SCAND3: variants seen among roughly 807,000 people sequenced by gnomAD.
SCAND3 encodes SCAN domain containing 3.
chr6:28,598,111 G>T, the SCAND3 span: 2 of 152,304 alleles, frequency 1.3e-5, no homozygotes, highest in East Asian at 3.9e-4. Context: ...TTACAGGGTC[G>T]GGTGGGGCAA....
At chr6:28,610,023 G>A in the SCAND3 span, among the ~76,000 whole-genome samples, 4 of 152,084 alleles carry the variant, frequency 2.6e-5, no homozygotes, top group African/African-American at 9.7e-5. Flanking sequence ...TTGGGAGTTC[G>A]AGACCAGCCT....
At chr6:28,573,604 C>G in the SCAND3 span, 1 of 1,613,212 alleles carries the variant, frequency 6.2e-7, no homozygotes, top group South Asian at 1.1e-5. Flanking sequence ...TACATCTCCA[C>G]AAATAATACA....
At chr6:28,573,446 T>TA in the SCAND3 span, 1 of 1,614,144 alleles carries the variant, frequency 6.2e-7, no homozygotes, top group Non-Finnish European at 8.5e-7. Flanking sequence ...CTAATGTTTA[T>TA]ATGAGAAACG....
the SCAND3 span, chr6:28,586,855 G>C: frequency 2.9e-6 from 2 of 681,036 alleles, no homozygotes; most frequent in African/African-American, 3.6e-5. This position sits in a 1 kb window ranked among gnomAD's most constrained non-coding sequence, Gnocchi z 4.4. Flanking sequence ...GACAACTACA[G>C]ACTCAGTTTA....
the SCAND3 span, among the ~76,000 whole-genome samples, chr6:28,577,234 T>C: frequency 6.6e-6 from 1 of 152,136 alleles, no homozygotes. Flanking sequence ...CAAATTTGGC[T>C]AAGTGTTAAG....
At chr6:28,590,629 C>T in the SCAND3 span, 11 of 152,132 alleles carry the variant, frequency 7.2e-5, no homozygotes, top group Non-Finnish European at 1.5e-4. Context: ...AAGAGACAAC[C>T]TTTAAATCCA....
At chr6:28,602,575 C>T in the SCAND3 span, among the ~76,000 whole-genome samples, 512 of 152,324 alleles carry the variant, frequency 3.4e-3, 2 homozygotes, top group African/African-American at 0.011. Context: ...TGCCCCAATA[C>T]CTCATTCTTT....
the SCAND3 span, among the ~76,000 whole-genome samples, chr6:28,609,594 A>G: frequency 6.6e-6 from 1 of 152,346 alleles, no homozygotes; most frequent in Admixed American, 6.5e-5. Context: ...CCAGGTCACA[A>G]TTGGCAATGG....
the SCAND3 span, among the ~76,000 whole-genome samples, chr6:28,608,093 T>A: frequency 6.6e-6 from 1 of 152,164 alleles, no homozygotes; most frequent in East Asian, 1.9e-4. Context: ...GACACTCCTT[T>A]GAAATACTGG....
At chr6:28,579,520 C>A in the SCAND3 span, 1 of 1,096,006 alleles carries the variant, frequency 9.1e-7, no homozygotes, top group South Asian at 1.5e-5. The surrounding 1 kb of genome is among the most constrained non-coding windows in gnomAD (Gnocchi z 4.5). Context: ...AGAAGAAAAT[C>A]AGTCTTTACT....
the SCAND3 span, chr6:28,574,856 T>C: frequency 1.9e-6 from 3 of 1,614,080 alleles, no homozygotes; most frequent in Non-Finnish European, 2.5e-6. Context: ...TCACATGATA[T>C]ACAACTATTA....
At chr6:28,580,478 C>T in the SCAND3 span, among the ~76,000 whole-genome samples, 1 of 152,114 alleles carries the variant, frequency 6.6e-6, no homozygotes, top group East Asian at 1.9e-4. Context: ...GTGCAAAGCA[C>T]ATTTCAAAAA....
At chr6:28,604,666 A>C in the SCAND3 span, among the ~76,000 whole-genome samples, 1 of 152,036 alleles carries the variant, frequency 6.6e-6, no homozygotes, top group Non-Finnish European at 1.5e-5. Context: ...CTTGAATCTA[A>C]ATTTTTACAT....
chr6:28,580,902 G>A, the SCAND3 span, among the ~76,000 whole-genome samples: 1 of 150,932 alleles, frequency 6.6e-6, no homozygotes, highest in Non-Finnish European at 1.5e-5. Flanking sequence ...GAACCGGGAG[G>A]AACTCCACTT....
the SCAND3 span, among the ~76,000 whole-genome samples, chr6:28,607,232 T>C: frequency 6.6e-6 from 1 of 152,068 alleles, no homozygotes; most frequent in African/African-American, 2.4e-5. Flanking sequence ...CCTCCACCAG[T>C]TTTGGGAGTG....
At chr6:28,585,887 G>C in the SCAND3 span, among the ~76,000 whole-genome samples, 1 of 152,240 alleles carries the variant, frequency 6.6e-6, no homozygotes, top group Admixed American at 6.5e-5. Context: ...CATGCAATTA[G>C]TATTTTCATT....
At chr6:28,612,489 T>C in the SCAND3 span, among the ~76,000 whole-genome samples, 2 of 152,226 alleles carry the variant, frequency 1.3e-5, 1 homozygote, top group Non-Finnish European at 2.9e-5. Flanking sequence ...TGTGCATTTA[T>C]ATACACTATA....
chr6:28,604,330 T>A, the SCAND3 span, among the ~76,000 whole-genome samples: 1 of 152,152 alleles, frequency 6.6e-6, no homozygotes, highest in African/African-American at 2.4e-5. Context: ...TAGGAATTTT[T>A]TTTTGGCCAG....
the SCAND3 span, among the ~76,000 whole-genome samples, chr6:28,593,121 C>A: frequency 6.6e-6 from 1 of 151,230 alleles, no homozygotes; most frequent in Non-Finnish European, 1.5e-5. Flanking sequence ...AGTGAAGAGG[C>A]AAACCACAGA....
Sources: allele counts gnomAD v4.1 joint callset (sites outside exome capture counted in the v4.1 genomes callset), GRCh38; gene constraint gnomAD v4.1.1; non-coding constraint Gnocchi (gnomAD v3.1); transcripts MANE v1.5; gene names NCBI Gene and HGNC (gene_info 2026-07-23, HGNC 2026-07-21).